Variants in INVS observed in about 807,000 individuals in gnomAD.
INVS encodes the protein inversin.
Under a neutral mutation model 108.8 loss-of-function variants are expected in INVS, and 86 were observed. The observed-to-expected ratio is 0.79, with a 90% CI of 0.66 to 0.95. The LOEUF is 0.95. Ranked by LOEUF, INVS falls within the 40% of genes least tolerant of loss-of-function variation. INVS has a pLI of 0.00. For missense variants in INVS, 1,169 were observed against 1,297.4 expected, an observed-to-expected ratio of 0.90 and a Z score of 1.52; for synonymous variants, 455 against 473.5, an observed-to-expected ratio of 0.96 and a Z score of 0.51.
At chr9:100,254,532 G>C (rs1225839498) in intron 10 of INVS, among the ~76,000 whole-genome samples, 1 of 152,086 alleles carries the variant, frequency 6.6e-6, no homozygotes, top group African/African-American at 2.4e-5. Context: ...TTTTCTTCTA[G>C]GGTTTTTATG....
intron 3 of INVS, among the ~76,000 whole-genome samples, chr9:100,200,499 C>T (rs1348122851): frequency 1.3e-5 from 2 of 152,036 alleles, no homozygotes; most frequent in Non-Finnish European, 2.9e-5. Context: ...TCGGTTTTTC[C>T]CTTAGTCTAG....
intron 3 of INVS, among the ~76,000 whole-genome samples, chr9:100,178,761 A>C (rs1829793070): frequency 6.6e-6 from 1 of 152,144 alleles, no homozygotes; most frequent in East Asian, 1.9e-4. Context: ...GCAAGAGACC[A>C]ACATTCAAAT....
At chr9:100,296,703 A>C (rs1833801900) in intron 14 of INVS, among the ~76,000 whole-genome samples, 1 of 152,212 alleles carries the variant, frequency 6.6e-6, no homozygotes, top group Non-Finnish European at 1.5e-5. Flanking sequence ...CTTGAAGGCA[A>C]GGAATCATGA....
intron 2 of INVS, among the ~76,000 whole-genome samples, chr9:100,107,696 T>C (rs1827222881): frequency 1.3e-5 from 2 of 152,222 alleles, no homozygotes; most frequent in South Asian, 4.1e-4. Flanking sequence ...CTGTTCATTG[T>C]ATTCCCTCTT....
chr9:100,260,294 A>G (rs1208562287), intron 10 of INVS, among the ~76,000 whole-genome samples: 1 of 147,096 alleles, frequency 6.8e-6, no homozygotes, highest in Non-Finnish European at 1.5e-5. Context: ...GGTTCAAGCG[A>G]TTCTTCTGCC....
At chr9:100,213,215 G>T (rs1460011267) in intron 3 of INVS, among the ~76,000 whole-genome samples, 1 of 130,050 alleles carries the variant, frequency 7.7e-6, no homozygotes, top group Non-Finnish European at 1.6e-5. Context: ...GGGTTTGGGG[G>T]TTGGGGGGAC....
At chr9:100,117,460 C>T in intron 2 of INVS, 1 of 787,536 alleles carries the variant, frequency 1.3e-6, no homozygotes, top group Non-Finnish European at 2.2e-6. Flanking sequence ...GCATGCACTC[C>T]TTATCCTCGG....
chr9:100,099,527 A>T (rs1329768536), intron 1 of INVS, 111 bp downstream of exon 1: 1 of 152,494 alleles, frequency 6.6e-6, no homozygotes, highest in African/African-American at 2.4e-5. Context: ...CTGAGCCTCC[A>T]TCATTGGCCT....
intron 3 of INVS, among the ~76,000 whole-genome samples, chr9:100,177,525 T>C (rs1270549716): frequency 6.6e-6 from 1 of 152,090 alleles, no homozygotes; most frequent in Non-Finnish European, 1.5e-5. Context: ...TCAAACTGGG[T>C]GGAGCTCACC....
intron 3 of INVS, among the ~76,000 whole-genome samples, chr9:100,150,893 C>T (rs1828788088): frequency 6.6e-6 from 1 of 152,046 alleles, no homozygotes. Flanking sequence ...CAGATGATAA[C>T]TAAAATGCCA....
In INVS at chr9:100,116,370, A is replaced by G. The variant is rs112918068; in HGVS notation, c.107-10013A>G. Among the ~76,000 whole-genome samples the G allele has an allele frequency of 5.3e-5, 8 of 151,936 alleles. No individual in the cohort carries two copies. In the East Asian group the frequency reaches 1.4e-3, roughly 26 times the overall value. On this transcript the variant is annotated intron_variant, in intron 2 of 16. Transcript: ENST00000262457. The stretch of plus-strand genomic sequence containing the variant: ...GCAATCTACCTGCCTCTGCCTCCCA[A>G]AGTGCTGGGATTACAGGTGTGAGCA...
chr9:100,114,391 CTTTTTTTTTTTTTTT>C (rs67549379), intron 2 of INVS, among the ~76,000 whole-genome samples: 1 of 64,858 alleles, frequency 1.5e-5, no homozygotes, highest in East Asian at 5.2e-4. Context: ...AGATTTCTTT[CTTTTTTTTTTTTTTT>C]TTTTTTTTTT....
chr9:100,130,959 A>C (rs1279902579), intron 3 of INVS: 1 of 152,198 alleles, frequency 6.6e-6, no homozygotes, highest in Non-Finnish European at 1.5e-5. Flanking sequence ...TATTATTGAC[A>C]TGAGAAGACC....
intron 3 of INVS, among the ~76,000 whole-genome samples, chr9:100,211,245 C>A (rs930051314): frequency 2.0e-5 from 3 of 152,100 alleles, no homozygotes; most frequent in African/African-American, 7.2e-5. Context: ...ATTTAAAGCA[C>A]CACTCTAAAT....
intron 7 of INVS, among the ~76,000 whole-genome samples, chr9:100,244,931 C>T (rs747429983): frequency 6.6e-6 from 1 of 152,062 alleles, no homozygotes; most frequent in Non-Finnish European, 1.5e-5. Context: ...GTGATTTAAC[C>T]CTGGATTCTT....
At chr9:100,101,002 T>TATATATGTATATATA (rs1826962821) in intron 1 of INVS, among the ~76,000 whole-genome samples, 1 of 94,608 alleles carries the variant, frequency 1.1e-5, no homozygotes, top group African/African-American at 4.2e-5. Context: ...GTATATATAA[T>TATATATGTATATATA]ATATATATTA....
intron 3 of INVS, among the ~76,000 whole-genome samples, chr9:100,143,362 G>C (rs947853245): frequency 2.0e-5 from 3 of 152,146 alleles, no homozygotes; most frequent in Non-Finnish European, 4.4e-5. Context: ...GGAGTTTATA[G>C]GCTTTAAAAG....
Position 100,292,848 on chromosome 9 carries a change from C to T in INVS, c.2591C>T (p.Thr864Ile). The change falls in exon 14 of 17, where the codon ACA becomes ATA. Residue 864 changes from threonine to isoleucine, a missense_variant. Around this residue, in one of 3 missense-constraint regions of INVS, gnomAD observed 533 missense variants for 536.0 expected, o/e 0.99. Coordinates refer to ENST00000262457, the MANE Select transcript of INVS (RefSeq NM_014425.5). The stretch of plus-strand genomic sequence containing the variant: ...AGGTCAGGAGCTAGGAGGCTGGAGA[C>T]ATCTACCCTGTCCGAGGACTTTCAG... ...ELRSGARRLE[T>I]STLSEDFQVS... The T allele has an allele frequency of 1.2e-6, 2 of 1,614,136 alleles. No homozygotes were observed. The highest frequency in any genetic ancestry group is 1.1e-5 in the South Asian group (1 of 91,068).
At chr9:100,240,579 T>C (rs1293341700) in intron 6 of INVS, among the ~76,000 whole-genome samples, 1 of 152,122 alleles carries the variant, frequency 6.6e-6, no homozygotes, top group African/African-American at 2.4e-5. Flanking sequence ...AATACTATGA[T>C]ATTTGAGTTT....
Sources: allele counts gnomAD v4.1 joint callset (sites outside exome capture counted in the v4.1 genomes callset), GRCh38; gene constraint gnomAD v4.1.1; regional missense constraint gnomAD v4.1.1; transcripts MANE v1.5; gene names NCBI Gene and HGNC (gene_info 2026-07-23, HGNC 2026-07-21).